Variants in LRRTM4 observed in about 807,000 individuals in gnomAD.
The protein encoded by LRRTM4 is leucine-rich repeat transmembrane neuronal protein 4.
In LRRTM4, 25 loss-of-function variants were observed where a neutral mutation model predicts 47.6. The observed-to-expected ratio is 0.53, with a 90% CI of 0.38 to 0.73. The LOEUF is 0.73. LRRTM4 is among the 30% of genes least tolerant of loss of function. The pLI, the probability that LRRTM4 is intolerant of heterozygous loss-of-function variation, is 0.00. For missense variants in LRRTM4, 638 were observed against 713.4 expected (o/e 0.89, Z 1.20); for synonymous variants, 311 against 269.5 (o/e 1.15, Z -1.51).
intron 3 of LRRTM4, among the ~76,000 whole-genome samples, chr2:76,752,500 G>T (rs956960067): frequency 3.9e-5 from 6 of 152,142 alleles, no homozygotes; most frequent in Admixed American, 3.9e-4. Flanking sequence ...ATTGAGGCAG[G>T]CTTAAAACCT....
At chr2:76,894,872 T>C (rs1041014735) in intron 3 of LRRTM4, among the ~76,000 whole-genome samples, 5 of 151,648 alleles carry the variant, frequency 3.3e-5, no homozygotes, top group Non-Finnish European at 7.4e-5. Context: ...ACATTGTTAT[T>C]TACAATGTAT....
At chr2:77,226,157 C>T (rs1674799226) in intron 3 of LRRTM4, among the ~76,000 whole-genome samples, 2 of 151,488 alleles carry the variant, frequency 1.3e-5, no homozygotes, top group Non-Finnish European at 2.9e-5. Flanking sequence ...TCATAAAAAA[C>T]AAAATTGGAA....
chr2:77,439,275 A>G (rs1001161844), intron 3 of LRRTM4, among the ~76,000 whole-genome samples: 5 of 152,188 alleles, frequency 3.3e-5, no homozygotes, highest in African/African-American at 9.7e-5. Flanking sequence ...ATAATGCTAA[A>G]TTTTCATATT....
At chr2:77,287,558 G>A (rs1676699644) in intron 3 of LRRTM4, among the ~76,000 whole-genome samples, 3 of 151,798 alleles carry the variant, frequency 2.0e-5, no homozygotes, top group African/African-American at 7.3e-5. Context: ...CAGAAATAAA[G>A]AATTCATGAG....
At position 77,207,866 on chromosome 2, in the gene LRRTM4, C is replaced by CTTTTTTTTTTTTTTTTTTTT. The variant is rs754540782; in HGVS notation, c.1551+310432_1551+310451dup. ...ATGAAAGTTGAATAAGGGAAAGTGG[C>CTTTTTTTTTTTTTTTTTTTT]TTTTTTTTTTTTTTTTTTTTTTTTT... On this transcript the variant is annotated intron_variant, in intron 3 of 3. Coordinates refer to ENST00000409884, the MANE Select transcript of LRRTM4 (RefSeq NM_001134745.3). 9.4e-5 allele frequency among the ~76,000 whole-genome samples: 4 copies of CTTTTTTTTTTTTTTTTTTTT among 42,594 alleles called. 1 individual carries two copies. The highest frequency in any genetic ancestry group is 3.8e-4 in the Admixed American group (1 of 2,650). The allele number at this position is 42,594 out of a possible 152,430, so 27.9% of individuals were successfully genotyped here.
chr2:76,791,696 G>T (rs1262234862), intron 3 of LRRTM4, among the ~76,000 whole-genome samples: 1 of 152,192 alleles, frequency 6.6e-6, no homozygotes, highest in African/African-American at 2.4e-5. Flanking sequence ...CTCATATGGA[G>T]AAATGCCACA....
At chr2:77,107,083 A>G (rs1373381978) in intron 3 of LRRTM4, among the ~76,000 whole-genome samples, 8 of 152,132 alleles carry the variant, frequency 5.3e-5, no homozygotes, top group Non-Finnish European at 5.9e-5. Flanking sequence ...GATAAGTAAA[A>G]CATTTTAAAA....
intron 3 of LRRTM4, among the ~76,000 whole-genome samples, chr2:77,089,182 G>C (rs1024116581): frequency 1.4e-5 from 2 of 143,282 alleles, no homozygotes; most frequent in Non-Finnish European, 3.1e-5. Flanking sequence ...TTCTCTCCTT[G>C]TCTCTACCCC....
At chr2:76,816,003 G>A (rs1236207557) in intron 3 of LRRTM4, among the ~76,000 whole-genome samples, 7 of 151,894 alleles carry the variant, frequency 4.6e-5, no homozygotes, top group Middle Eastern at 3.4e-3. Flanking sequence ...TTGAGATGGG[G>A]AGGTATTGGA....
At chr2:77,230,586 C>T (rs1220345771) in intron 3 of LRRTM4, among the ~76,000 whole-genome samples, 2 of 152,034 alleles carry the variant, frequency 1.3e-5, no homozygotes, top group African/African-American at 2.4e-5. Flanking sequence ...GACATTCTTT[C>T]CTAAAACTTT....
intron 3 of LRRTM4, among the ~76,000 whole-genome samples, chr2:77,441,533 A>G (rs1675842399): frequency 6.6e-6 from 1 of 152,154 alleles, no homozygotes. Context: ...AAAGTTGATG[A>G]ATCTCTTCCT....
intron 3 of LRRTM4, among the ~76,000 whole-genome samples, chr2:77,418,720 CTTG>C (rs1207123276): frequency 6.6e-6 from 1 of 152,154 alleles, no homozygotes; most frequent in Admixed American, 6.5e-5. Context: ...AATATTTGAA[CTTG>C]TTGTTCTTCC....
In LRRTM4 at chr2:77,024,204, G is replaced by A. The variant is rs762238701; in HGVS notation, c.1552-275288C>T. 3.9e-5 allele frequency among the ~76,000 whole-genome samples: 6 copies of A among 152,182 alleles called. No individual in the cohort carries two copies. In the South Asian group the frequency reaches 6.2e-4, roughly 16 times the overall value. On this transcript the variant is annotated intron_variant, in intron 3 of 3. Coordinates refer to ENST00000409884, the MANE Select transcript of LRRTM4 (RefSeq NM_001134745.3). ...CCCTCCCACAACACATGGTAATTAC[G>A]GGAATACAATTCCAAATGAGATTTG... is the stretch of plus-strand genomic sequence containing the variant.
At chr2:76,886,494 T>G (rs981268941) in intron 3 of LRRTM4, among the ~76,000 whole-genome samples, 1 of 152,090 alleles carries the variant, frequency 6.6e-6, no homozygotes, top group African/African-American at 2.4e-5. Flanking sequence ...CTATCCAATG[T>G]AATACAACCA....
chr2:77,000,999 A>G (rs146406453), intron 3 of LRRTM4, among the ~76,000 whole-genome samples: 173 of 152,276 alleles, frequency 1.1e-3, no homozygotes, highest in African/African-American at 4.0e-3. Context: ...TTTAAACACC[A>G]GCAACAACAG....
chr2:77,426,690 C>T (rs757317318), intron 3 of LRRTM4, among the ~76,000 whole-genome samples: 7 of 151,974 alleles, frequency 4.6e-5, no homozygotes, highest in Non-Finnish European at 8.8e-5. Flanking sequence ...ACTTTGAATT[C>T]CCTTTTTATT....
At chr2:76,834,933 A>G (rs1024434475) in intron 3 of LRRTM4, among the ~76,000 whole-genome samples, 2 of 152,164 alleles carry the variant, frequency 1.3e-5, no homozygotes, top group African/African-American at 4.8e-5. Flanking sequence ...TAGCTCTACA[A>G]AAGTTAATAA....
chr2:77,185,861 C>T (rs1673490084), intron 3 of LRRTM4, among the ~76,000 whole-genome samples: 1 of 152,050 alleles, frequency 6.6e-6, no homozygotes, highest in African/African-American at 2.4e-5. Flanking sequence ...TTAGGAAAGT[C>T]ACTAAAACTC....
chr2:77,220,241 C>G (rs1436648647), intron 3 of LRRTM4, among the ~76,000 whole-genome samples: 2 of 152,096 alleles, frequency 1.3e-5, no homozygotes, highest in Admixed American at 1.3e-4. Context: ...GTAGACAAAA[C>G]CACAAAGATG....
Sources: allele counts gnomAD v4.1 joint callset (sites outside exome capture counted in the v4.1 genomes callset), GRCh38; gene constraint gnomAD v4.1.1; transcripts MANE v1.5; gene names NCBI Gene and HGNC (gene_info 2026-07-23, HGNC 2026-07-21).